Variants in SHISA6 observed in about 807,000 individuals in gnomAD.
The protein encoded by SHISA6 is protein shisa-6.
A neutral mutation model predicts 47.9 loss-of-function variants in SHISA6; 22 were observed. The ratio of observed to expected loss-of-function variants is 0.46; its 90% CI spans 0.33 to 0.66. SHISA6 has a LOEUF of 0.66. Ranked by LOEUF, SHISA6 falls within the 30% of genes least tolerant of loss-of-function variation. The probability of loss-of-function intolerance (pLI) is 0.02; values close to 1 mark genes in which losing one functional copy is unlikely to be tolerated. For missense variants in SHISA6, 680 were observed against 764.6 expected (o/e 0.89, Z 1.30); for synonymous variants, 388 against 337.8 (o/e 1.15, Z -1.63).
intron 2 of SHISA6, among the ~76,000 whole-genome samples, chr17:11,285,813 G>A (rs1170399709): frequency 6.6e-6 from 1 of 151,828 alleles, no homozygotes; most frequent in East Asian, 1.9e-4. Flanking sequence ...TGCTGGTGGT[G>A]TGGCTCTGTG....
chr17:11,338,497 G>A (rs1331926975), intron 2 of SHISA6, among the ~76,000 whole-genome samples: 1 of 152,154 alleles, frequency 6.6e-6, no homozygotes, highest in East Asian at 1.9e-4. Context: ...TGCCTCCAGG[G>A]TTCAAGCAGT....
At chr17:11,271,218 G>T (rs1004697775) in intron 2 of SHISA6, among the ~76,000 whole-genome samples, 2 of 152,066 alleles carry the variant, frequency 1.3e-5, no homozygotes, top group Non-Finnish European at 2.9e-5. Context: ...ACAGAGGGGA[G>T]GGGTGCAGGA....
chr17:11,287,182 A>G (rs1909332278), intron 2 of SHISA6, among the ~76,000 whole-genome samples: 1 of 149,616 alleles, frequency 6.7e-6, no homozygotes, highest in Non-Finnish European at 1.5e-5. Flanking sequence ...ATCACTGGAG[A>G]CCAGGAATTG....
At chr17:11,325,160 T>C (rs1359548028) in intron 2 of SHISA6, among the ~76,000 whole-genome samples, 1 of 152,156 alleles carries the variant, frequency 6.6e-6, no homozygotes, top group Non-Finnish European at 1.5e-5. Context: ...ATGGAAATGA[T>C]AAACTTGGGG....
intron 1 of SHISA6, among the ~76,000 whole-genome samples, chr17:11,247,276 C>T (rs1907628296): frequency 6.6e-6 from 1 of 152,170 alleles, no homozygotes; most frequent in African/African-American, 2.4e-5. Context: ...TAAAAGGGAA[C>T]CACAACAAAA....
intron 2 of SHISA6, among the ~76,000 whole-genome samples, chr17:11,370,051 G>A (rs1473569842): frequency 6.6e-6 from 1 of 152,108 alleles, no homozygotes; most frequent in Non-Finnish European, 1.5e-5. Flanking sequence ...GCAAATAGAG[G>A]GGCGAGAAAA....
chr17:11,428,619 T>C (rs1914663976), intron 3 of SHISA6, among the ~76,000 whole-genome samples: 1 of 152,188 alleles, frequency 6.6e-6, no homozygotes, highest in South Asian at 2.1e-4. Context: ...ACTTGGTGGC[T>C]TAAAGCAACA....
At chr17:11,321,643 G>A (rs1910721961) in intron 2 of SHISA6, among the ~76,000 whole-genome samples, 1 of 152,138 alleles carries the variant, frequency 6.6e-6, no homozygotes, top group Non-Finnish European at 1.5e-5. Flanking sequence ...CTACTATCTT[G>A]TTATTTATTT....
intron 2 of SHISA6, among the ~76,000 whole-genome samples, chr17:11,314,249 A>T (rs912466530): frequency 3.9e-5 from 6 of 152,048 alleles, no homozygotes; most frequent in African/African-American, 1.4e-4. Flanking sequence ...AACATTTTAA[A>T]TTTTCATGAA....
In SHISA6 at chr17:11,313,853, G is replaced by C. The variant is rs954106755; in HGVS notation, c.799+50327G>C. Reference sequence around the variant, plus strand: ...GATGAGTAAGATGAAGACGGAGAGAGAGAGAGAGAAGGACCAGGGTTGGAT... The same window carrying C: ...GATGAGTAAGATGAAGACGGAGAGACAGAGAGAGAAGGACCAGGGTTGGAT... On this transcript the variant is annotated intron_variant, in intron 2 of 5. Transcript: ENST00000441885. Among the ~76,000 whole-genome samples, 35 of 152,278 alleles carry C rather than the reference G, an allele frequency of 2.3e-4. 1 individual carries two copies. The highest frequency in any genetic ancestry group is 6.8e-3 in the Middle Eastern group (2 of 294).
chr17:11,312,766 T>C (rs987098289), intron 2 of SHISA6, among the ~76,000 whole-genome samples: 2 of 152,232 alleles, frequency 1.3e-5, no homozygotes, highest in African/African-American at 2.4e-5. Context: ...CATTTTATAA[T>C]ATGGAATAAA....
At chr17:11,469,397 G>A (rs1293504029) in intron 3 of SHISA6, among the ~76,000 whole-genome samples, 4 of 152,152 alleles carry the variant, frequency 2.6e-5, no homozygotes, top group Non-Finnish European at 5.9e-5. Context: ...AGAGCCTCCA[G>A]AAAGAATGCA....
chr17:11,300,460 C>T (rs1172329458), intron 2 of SHISA6, among the ~76,000 whole-genome samples: 1 of 152,130 alleles, frequency 6.6e-6, no homozygotes, highest in Non-Finnish European at 1.5e-5. Context: ...ACACTGTTTT[C>T]CAGGCAGCCC....
At chr17:11,242,972 C>G (rs770609132) in intron 1 of SHISA6, among the ~76,000 whole-genome samples, 1 of 152,214 alleles carries the variant, frequency 6.6e-6, no homozygotes, top group South Asian at 2.1e-4. Flanking sequence ...AGAGTTAGCT[C>G]GGCTTCCTGT....
At chr17:11,526,668 A>G (rs1339199838) in intron 3 of SHISA6, among the ~76,000 whole-genome samples, 1 of 151,940 alleles carries the variant, frequency 6.6e-6, no homozygotes, top group African/African-American at 2.4e-5. Context: ...TCCACGTTAT[A>G]CAGCTGAGTT....
intron 3 of SHISA6, among the ~76,000 whole-genome samples, chr17:11,511,703 T>G (rs1011168561): frequency 2.6e-5 from 4 of 152,256 alleles, no homozygotes; most frequent in Non-Finnish European, 5.9e-5. Flanking sequence ...CACTTTCATC[T>G]TCTGCATCAC....
At chr17:11,445,632 C>T (rs981523840) in intron 3 of SHISA6, among the ~76,000 whole-genome samples, 3 of 152,110 alleles carry the variant, frequency 2.0e-5, no homozygotes, top group East Asian at 3.9e-4. Context: ...TACTAAGTGT[C>T]GAGCACTATG....
chr17:11,446,658 A>G (rs982567300), intron 3 of SHISA6, among the ~76,000 whole-genome samples: 1 of 152,210 alleles, frequency 6.6e-6, no homozygotes, highest in Non-Finnish European at 1.5e-5. Flanking sequence ...TCCTCCTGCC[A>G]TGTCCAACCT....
At chr17:11,302,202 A>C (rs995397554) in intron 2 of SHISA6, among the ~76,000 whole-genome samples, 1 of 152,192 alleles carries the variant, frequency 6.6e-6, no homozygotes, top group Admixed American at 6.5e-5. Context: ...TATCAGGCCT[A>C]GAGCTTAACT....
Sources: gnomAD v4.1 joint callset for allele counts (sites outside exome capture counted in the v4.1 genomes callset) on GRCh38, gnomAD v4.1.1 for gene constraint, MANE v1.5 for transcripts, NCBI Gene and HGNC (gene_info 2026-07-23, HGNC 2026-07-21) for gene names.